The following TUBGCP3 variants were observed in gnomAD, a reference collection of about 807,000 sequenced individuals.
TUBGCP3 encodes the protein tubulin gamma complex component 3.
A neutral mutation model predicts 123.1 loss-of-function variants in TUBGCP3; 50 were observed. The observed-to-expected ratio is 0.41, with a 90% CI of 0.32 to 0.51. The LOEUF (loss-of-function observed/expected upper bound fraction) is 0.51, where lower values mean the gene tolerates loss of function less well. Ranked by LOEUF, TUBGCP3 falls within the 20% of genes least tolerant of loss-of-function variation. The pLI is 0.36. For missense variants in TUBGCP3, 882 were observed against 1,127.0 expected (o/e 0.78, Z 3.11); for synonymous variants, 405 against 413.9 (o/e 0.98, Z 0.26).
intron 20 of TUBGCP3, among the ~76,000 whole-genome samples, chr13:112,493,294 T>C (rs996684370): frequency 8.0e-5 from 12 of 149,666 alleles, no homozygotes; most frequent in African/African-American, 3.0e-4. Flanking sequence ...CGAGGCCTGG[T>C]GTCCCTGAAA....
At chr13:112,486,396 A>G (rs1343697169) in intron 21 of TUBGCP3, among the ~76,000 whole-genome samples, 1 of 152,254 alleles carries the variant, frequency 6.6e-6, no homozygotes, top group Admixed American at 6.5e-5. Context: ...TGAAGAATAC[A>G]TTTGATTTGA....
chr13:112,567,141 C>T (rs1346334191), intron 2 of TUBGCP3, among the ~76,000 whole-genome samples: 1 of 152,204 alleles, frequency 6.6e-6, no homozygotes, highest in Non-Finnish European at 1.5e-5. Context: ...GTTGGGGACA[C>T]CTGCTGGGGA....
intron 1 of TUBGCP3, among the ~76,000 whole-genome samples, chr13:112,581,219 G>C (rs1157731112): frequency 6.6e-6 from 1 of 152,058 alleles, no homozygotes; most frequent in African/African-American, 2.4e-5. Context: ...CCCTATTCTA[G>C]CTAAAGCAGA....
intron 11 of TUBGCP3, among the ~76,000 whole-genome samples, chr13:112,538,392 A>G (rs1214863002): frequency 6.6e-6 from 1 of 152,204 alleles, no homozygotes; most frequent in East Asian, 1.9e-4. Flanking sequence ...AGTTTATCCT[A>G]CTTTTGAGAG....
chr13:112,489,399 G>A (rs918959904), intron 21 of TUBGCP3, among the ~76,000 whole-genome samples, 182 bp downstream of exon 21: 3 of 152,262 alleles, frequency 2.0e-5, no homozygotes, highest in Non-Finnish European at 4.4e-5. Flanking sequence ...GCACTGCCCG[G>A]AGCCCAGGCA....
At chr13:112,575,920 G>T (rs775230429) in intron 1 of TUBGCP3, among the ~76,000 whole-genome samples, 6 of 152,168 alleles carry the variant, frequency 3.9e-5, no homozygotes, top group Non-Finnish European at 7.4e-5. Context: ...AGCCTCCAGG[G>T]GTAGCCCAGC....
At chr13:112,587,840 G>C (rs995014001) in intron 1 of TUBGCP3, 65 bp downstream of exon 1, 45 of 1,436,650 alleles carry the variant, frequency 3.1e-5, no homozygotes, top group Non-Finnish European at 4.3e-5. Flanking sequence ...ACGTATTAGG[G>C]CTGCACGCGC....
chr13:112,586,075 T>C (rs1882587700), intron 1 of TUBGCP3, among the ~76,000 whole-genome samples: 1 of 151,706 alleles, frequency 6.6e-6, no homozygotes, highest in African/African-American at 2.4e-5. Flanking sequence ...CCGTCTCTAC[T>C]AAAAATACAA....
chr13:112,516,561 T>C lies in TUBGCP3; in HGVS notation c.1965A>G (p.Glu655=). 6.2e-7 allele frequency: 1 copy of C among 1,613,572 alleles called. No individual in the cohort carries two copies. Among genetic ancestry groups the C allele is most frequent in the Non-Finnish European group, 8.5e-7 (1 of 1,179,814 alleles). ...DGPIATVFTR[E]CMSHYLRVFN... ...ATACTCTTAGGTAGTGGCTCATACA[T>C]TCTCGAGTAAACACCTGGGATAACA... Residue 655 remains glutamate (E), a synonymous_variant, in exon 17 of 22, where the codon GAA becomes GAG. Transcript: ENST00000261965.
At chr13:112,527,316 A>T (rs1330364609) in intron 12 of TUBGCP3, 58 bp downstream of exon 12, 32 of 1,283,026 alleles carry the variant, frequency 2.5e-5, no homozygotes, top group Non-Finnish European at 3.1e-5. Context: ...TTTGTCACAT[A>T]ATCTAAGTAT....
intron 8 of TUBGCP3, among the ~76,000 whole-genome samples, chr13:112,549,924 G>C (rs372188896): frequency 6.6e-6 from 1 of 150,552 alleles, no homozygotes; most frequent in East Asian, 2.0e-4. Context: ...CAGGAGGCGG[G>C]GCTTGCAGTG....
chr13:112,574,320 A>G (rs1021223683), intron 1 of TUBGCP3, among the ~76,000 whole-genome samples: 1 of 145,342 alleles, frequency 6.9e-6, no homozygotes, highest in Non-Finnish European at 1.5e-5. Flanking sequence ...CTCTGAGCTC[A>G]GTGTGGCTTC....
intron 10 of TUBGCP3, chr13:112,547,219 G>T: frequency 2.6e-6 from 1 of 391,990 alleles, no homozygotes; most frequent in East Asian, 3.6e-5. Flanking sequence ...AGGCGACCAA[G>T]GGAGCAGCAA....
chr13:112,563,601 C>T (rs1017846171), intron 3 of TUBGCP3, among the ~76,000 whole-genome samples: 1 of 151,698 alleles, frequency 6.6e-6, no homozygotes, highest in Admixed American at 6.6e-5. Flanking sequence ...CGGTGGCTCA[C>T]GCCTGTAATC....
At chr13:112,489,483 G>T in intron 21 of TUBGCP3, 98 bp downstream of exon 21, 1 of 853,328 alleles carries the variant, frequency 1.2e-6, no homozygotes, top group South Asian at 1.4e-5. Context: ...GTGTCAGACT[G>T]ACAGGGCTGA....
intron 4 of TUBGCP3, among the ~76,000 whole-genome samples, 160 bp downstream of exon 4, chr13:112,559,162 T>C (rs1357132164): frequency 6.6e-6 from 1 of 150,414 alleles, no homozygotes; most frequent in Non-Finnish European, 1.5e-5. Flanking sequence ...TGACTAAAAA[T>C]GTCCTTAAAA....
chr13:112,509,982 T>G (rs953937516), intron 17 of TUBGCP3, among the ~76,000 whole-genome samples: 9 of 152,218 alleles, frequency 5.9e-5, no homozygotes, highest in African/African-American at 2.2e-4. Context: ...AATGTGTTTT[T>G]ATGGCTGACC....
At chr13:112,564,838 AG>A (rs1449771446) in intron 3 of TUBGCP3, among the ~76,000 whole-genome samples, 1 of 152,226 alleles carries the variant, frequency 6.6e-6, no homozygotes, top group African/African-American at 2.4e-5. Context: ...TCCTCCCAGC[AG>A]TGTAATTAAG....
chr13:112,519,041 G>A lies in TUBGCP3; in HGVS notation c.1884C>T (p.Val628=), dbSNP rs761197634. 1 of 1,613,384 alleles carries A rather than the reference G, an allele frequency of 6.2e-7. No individual in the cohort carries two copies. Among genetic ancestry groups the A allele is most frequent in the South Asian group, 1.1e-5 (1 of 91,062 alleles). The change falls in exon 16 of 22, where the codon GTC becomes GTT. Residue 628 remains valine (V), a splice_region_variant and synonymous_variant. Transcript: ENST00000261965. The surrounding 1 kb of genome is among the most constrained non-coding windows in gnomAD (Gnocchi z 6.2). Reference sequence around the variant, plus strand: ...CATCCCATCCAGTGTCACCTGGAGAGACCTAACAACAGAAACAAACACATA... The same window carrying A: ...CATCCCATCCAGTGTCACCTGGAGAAACCTAACAACAGAAACAAACACATA... ...LRRLDVRLLE[V]SPGDTGWDVF...
Sources: gnomAD v4.1 joint callset for allele counts (sites outside exome capture counted in the v4.1 genomes callset) on GRCh38, gnomAD v4.1.1 for gene constraint, Gnocchi (gnomAD v3.1) non-coding constraint, MANE v1.5 for transcripts, NCBI Gene and HGNC (gene_info 2026-07-23, HGNC 2026-07-21) for gene names.